The following FSHR variants were observed in gnomAD, a reference collection of about 807,000 sequenced individuals.
The protein encoded by FSHR is follicle-stimulating hormone receptor.
In FSHR, 46 loss-of-function variants were observed where a neutral mutation model predicts 52.1. That is an observed-to-expected ratio of 0.88 (90% CI 0.70 to 1.13). The LOEUF is 1.13. Ranked by LOEUF, FSHR falls within the 50% of genes most tolerant of loss-of-function variation. The pLI is 0.00. For synonymous variants in FSHR, 399 were observed against 309.6 expected, an observed-to-expected ratio of 1.29 and a Z score of -3.03; for missense variants, 964 against 834.6, an observed-to-expected ratio of 1.16 and a Z score of -1.91.
intron 8 of FSHR, among the ~76,000 whole-genome samples, chr2:48,971,133 G>A (rs1319326353): frequency 6.6e-6 from 1 of 152,180 alleles, no homozygotes; most frequent in Non-Finnish European, 1.5e-5. Context: ...ACTGTATACA[G>A]TGTGTTGATC....
At chr2:49,108,574 C>T (rs570028585) in intron 1 of FSHR, among the ~76,000 whole-genome samples, 20 of 152,194 alleles carry the variant, frequency 1.3e-4, no homozygotes, top group African/African-American at 4.8e-4. Context: ...ACTGAGTTCT[C>T]GATTGTTTCA....
chr2:49,075,236 A>G (rs1260728004), intron 1 of FSHR, among the ~76,000 whole-genome samples: 1 of 152,174 alleles, frequency 6.6e-6, no homozygotes, highest in African/African-American at 2.4e-5. Context: ...TGGGTATGCT[A>G]ATCACTCTGT....
intron 1 of FSHR, among the ~76,000 whole-genome samples, chr2:49,078,476 C>A (rs935602650): frequency 6.6e-6 from 1 of 151,678 alleles, no homozygotes; most frequent in Non-Finnish European, 1.5e-5. Context: ...TAGACAGGGA[C>A]AATAAAAGGA....
intron 2 of FSHR, among the ~76,000 whole-genome samples, chr2:49,044,109 T>A: frequency 6.6e-6 from 1 of 152,210 alleles, no homozygotes; most frequent in East Asian, 1.9e-4. Flanking sequence ...CCAAATCCTA[T>A]CTGTTCTTTT....
At chr2:49,138,706 T>G (rs975169558) in intron 1 of FSHR, among the ~76,000 whole-genome samples, 1 of 152,176 alleles carries the variant, frequency 6.6e-6, no homozygotes, top group East Asian at 1.9e-4. Context: ...TGGAGGATGA[T>G]AGCTAACATG....
At position 49,120,023 on chromosome 2, in the gene FSHR, A is replaced by G. The variant is rs573466490; in HGVS notation, c.152+34243T>C. Among the ~76,000 whole-genome samples the G allele has an allele frequency of 3.3e-5, 5 of 152,334 alleles. No homozygotes were observed. The South Asian group carries it at 1.0e-3, about 32-fold the overall frequency. On this transcript the variant is annotated intron_variant, in intron 1 of 9. Coordinates refer to ENST00000406846, the MANE Select transcript of FSHR (RefSeq NM_000145.4). ...CGTGGCTCACACCTGTAATCCCAGC[A>G]CTTTGGGAGGCCAGGGCAGGTGGAT...
intron 9 of FSHR, among the ~76,000 whole-genome samples, chr2:48,966,686 A>G (rs964253399): frequency 1.3e-5 from 2 of 152,258 alleles, no homozygotes; most frequent in East Asian, 3.8e-4. Flanking sequence ...TAAATCTGAA[A>G]TTATCTTCTG....
chr2:49,057,820 A>G (rs1033514758), intron 2 of FSHR, among the ~76,000 whole-genome samples: 1 of 152,190 alleles, frequency 6.6e-6, no homozygotes, highest in East Asian at 1.9e-4. Flanking sequence ...GAAATAATAT[A>G]TGAGAATTAA....
At chr2:49,062,308 T>C (rs1458339511) in intron 2 of FSHR, among the ~76,000 whole-genome samples, 2 of 152,094 alleles carry the variant, frequency 1.3e-5, no homozygotes, top group African/African-American at 4.8e-5. Context: ...AGAACGTTCA[T>C]TGGGGAAAGG....
At chr2:49,103,550 T>C (rs1671110611) in intron 1 of FSHR, among the ~76,000 whole-genome samples, 1 of 152,086 alleles carries the variant, frequency 6.6e-6, no homozygotes, top group Admixed American at 6.6e-5. Context: ...AGCCAATAAC[T>C]GACATCCAAG....
At chr2:49,128,587 C>G (rs1672148481) in intron 1 of FSHR, among the ~76,000 whole-genome samples, 1 of 151,956 alleles carries the variant, frequency 6.6e-6, no homozygotes, top group Non-Finnish European at 1.5e-5. Flanking sequence ...GCTACTGTAA[C>G]ACTCACAGAT....
chr2:49,056,849 C>G (rs548672924), intron 2 of FSHR, among the ~76,000 whole-genome samples: 1 of 151,930 alleles, frequency 6.6e-6, no homozygotes, highest in East Asian at 1.9e-4. Flanking sequence ...ACCTAGAAAT[C>G]AATAACAAGA....
chr2:49,036,008 CCTTT>C (rs1030670365), intron 2 of FSHR, among the ~76,000 whole-genome samples: 2 of 152,182 alleles, frequency 1.3e-5, no homozygotes, highest in Admixed American at 1.3e-4. Flanking sequence ...TCTCTTACTC[CCTTT>C]CTTTCTTCTC....
At chr2:49,055,521 C>G (rs1272191485) in intron 2 of FSHR, among the ~76,000 whole-genome samples, 1 of 95,102 alleles carries the variant, frequency 1.1e-5, no homozygotes, top group Non-Finnish European at 1.9e-5. Context: ...ACATCCAGAT[C>G]CAGGAAGCTC....
At chr2:49,075,014 C>A (rs963006396) in intron 1 of FSHR, among the ~76,000 whole-genome samples, 2 of 151,934 alleles carry the variant, frequency 1.3e-5, no homozygotes, top group African/African-American at 4.8e-5. Context: ...AAAAGTATAA[C>A]AGAGGATACT....
intron 1 of FSHR, among the ~76,000 whole-genome samples, chr2:49,151,407 T>G (rs1317611450): frequency 1.3e-5 from 2 of 152,112 alleles, no homozygotes; most frequent in Non-Finnish European, 2.9e-5. Flanking sequence ...AAGCAAATAG[T>G]AGGAGCCCCT....
intron 1 of FSHR, among the ~76,000 whole-genome samples, chr2:49,087,586 A>G (rs1345621062): frequency 6.6e-6 from 1 of 152,226 alleles, no homozygotes; most frequent in Non-Finnish European, 1.5e-5. Context: ...AAGCATGTAT[A>G]GTCATGAGGC....
At chr2:49,051,479 CT>C (rs1192799422) in intron 2 of FSHR, among the ~76,000 whole-genome samples, 2 of 151,976 alleles carry the variant, frequency 1.3e-5, no homozygotes, top group Non-Finnish European at 2.9e-5. Context: ...ATTCGTGTAT[CT>C]TTTTTTGTGA....
chr2:48,967,280 G>A (rs2104003077), intron 9 of FSHR, among the ~76,000 whole-genome samples: 1 of 151,922 alleles, frequency 6.6e-6, no homozygotes, highest in East Asian at 1.9e-4. Context: ...CATTTTTTTT[G>A]TAGAGACGAG....
Sources: gnomAD v4.1 joint callset for allele counts (sites outside exome capture counted in the v4.1 genomes callset) on GRCh38, gnomAD v4.1.1 for gene constraint, MANE v1.5 for transcripts, NCBI Gene and HGNC (gene_info 2026-07-23, HGNC 2026-07-21) for gene names.